The following KIF1A variants were observed in gnomAD, a reference collection of about 807,000 sequenced individuals.
The protein encoded by KIF1A is kinesin-like protein KIF1A.
KIF1A carries 46 observed loss-of-function variants against 227.3 expected under a neutral mutation model. The observed-to-expected ratio is 0.20, with a 90% confidence interval of 0.16 to 0.26. The LOEUF is 0.26. KIF1A is among the 10% of genes least tolerant of loss of function. The pLI is 1.00. For synonymous variants in KIF1A, 1,022 were observed against 1,012.8 expected (o/e 1.01, Z -0.17); for missense variants, 1,683 against 2,485.9 (o/e 0.68, Z 6.87).
intron 38 of KIF1A, among the ~76,000 whole-genome samples, chr2:240,733,012 G>A (rs535544444): frequency 1.6e-5 from 2 of 126,150 alleles, no homozygotes; most frequent in East Asian, 5.5e-4. Flanking sequence ...AGGGATGAGG[G>A]GGAATGAGGG....
Position 240,719,644 on chromosome 2 carries a change from G to A in KIF1A, c.5021+130C>T. ...CAGCCTGCCTGAACCTCCAGTATGG[G>A]CATCAGGCAACCTGTCTGTCTCCCC... On this transcript the variant is annotated intron_variant, in intron 46 of 48. Coordinates refer to ENST00000498729, the MANE Select transcript of KIF1A (RefSeq NM_001244008.2). 2.7e-6 allele frequency: 3 copies of A among 1,097,506 alleles called. No individual in the cohort carries two copies. The South Asian group carries it at 5.1e-5, about 19-fold the overall frequency. 68.0% of individuals were successfully genotyped at this position (1,097,506 alleles called of 1,614,324 possible).
chr2:240,812,943 C>CGCCTTCACCTCGGGGATCA (rs1559550003), intron 1 of KIF1A, among the ~76,000 whole-genome samples: 13 of 42,090 alleles, frequency 3.1e-4, no homozygotes, highest in African/African-American at 3.9e-4. Flanking sequence ...CTCGGGGATC[C>CGCCTTCACCTCGGGGATCA]GCCTTCACCT....
At chr2:240,796,857 T>C (rs2056453711) in intron 2 of KIF1A, among the ~76,000 whole-genome samples, 1 of 151,836 alleles carries the variant, frequency 6.6e-6, no homozygotes, top group Non-Finnish European at 1.5e-5. Context: ...AGACTAAACC[T>C]AGGGAGGAAG....
chr2:240,749,758 C>G (rs925990708), intron 28 of KIF1A, among the ~76,000 whole-genome samples: 7 of 152,236 alleles, frequency 4.6e-5, no homozygotes, highest in Non-Finnish European at 1.0e-4. Context: ...TGGGGCTGCC[C>G]TGGTGCCTCT....
chr2:240,803,689 C>T (rs891514315), intron 1 of KIF1A, among the ~76,000 whole-genome samples: 4 of 151,970 alleles, frequency 2.6e-5, no homozygotes, highest in African/African-American at 9.7e-5. Context: ...AAAACAGGCA[C>T]GAATTAGCAG....
intron 37 of KIF1A, 21 bp from the exon 38 acceptor site, chr2:240,737,189 C>T: frequency 6.2e-7 from 1 of 1,604,810 alleles, no homozygotes; most frequent in Non-Finnish European, 8.5e-7. Flanking sequence ...GGCAACGGGC[C>T]ACAGGTCACT....
intron 25 of KIF1A, among the ~76,000 whole-genome samples, chr2:240,759,246 TG>T (rs2050223097): frequency 6.6e-6 from 1 of 152,026 alleles, no homozygotes; most frequent in African/African-American, 2.4e-5. Context: ...TTGACTTCCT[TG>T]GGGGGCACTG....
intron 38 of KIF1A, among the ~76,000 whole-genome samples, chr2:240,733,333 G>A (rs975692891): frequency 1.3e-5 from 2 of 152,078 alleles, no homozygotes; most frequent in Admixed American, 6.5e-5. Flanking sequence ...TAGCTAGCAC[G>A]ATGCCATCTC....
At chr2:240,779,691 CTTCCTCACTCAG>C (rs1020207593) in intron 10 of KIF1A, among the ~76,000 whole-genome samples, 2 of 150,986 alleles carry the variant, frequency 1.3e-5, no homozygotes, top group African/African-American at 4.9e-5. Context: ...TCCACACTCA[CTTCCTCACTCAG>C]TTCCTCACAG....
intron 20 of KIF1A, 48 bp from the exon 21 acceptor site, chr2:240,763,394 T>C: frequency 6.6e-7 from 1 of 1,507,958 alleles, no homozygotes; most frequent in Non-Finnish European, 8.9e-7. Flanking sequence ...GATCTTCAGG[T>C]CCCTGATGGT....
At chr2:240,787,952 C>T (rs2055156538) in intron 4 of KIF1A, 99 bp downstream of exon 4, 12 of 1,193,612 alleles carry the variant, frequency 1.0e-5, no homozygotes, top group Non-Finnish European at 1.4e-5. Flanking sequence ...TCCCTGCTCT[C>T]TGGGGGCTGC....
rs1371960328 is a variant in KIF1A at position 240,736,206 on chromosome 2, A to G, written c.4007+857T>C. Among the ~76,000 whole-genome samples, 1 of 152,092 alleles carries G rather than the reference A, an allele frequency of 6.6e-6. No individual in the cohort carries two copies. Among genetic ancestry groups the G allele is most frequent in the East Asian group, 1.9e-4 (1 of 5,178 alleles). On this transcript the variant is annotated intron_variant, in intron 38 of 48. Coordinates refer to ENST00000498729, the MANE Select transcript of KIF1A (RefSeq NM_001244008.2). The surrounding 1 kb of genome is among the most constrained non-coding windows in gnomAD (Gnocchi z 4.7). ...TGACCCTCCTTGCAGGGAGGCCCTC[A>G]AAGACGTTTTCCTACAAACACAGCC... is the stretch of plus-strand genomic sequence containing the variant.
At chr2:240,724,864 T>C (rs1226405066) in intron 40 of KIF1A, 1 of 174,074 alleles carries the variant, frequency 5.7e-6, no homozygotes, top group African/African-American at 2.6e-5. Flanking sequence ...AGCTCCTCCT[T>C]CAGTGCCTTG....
At chr2:240,815,098 G>A (rs1575681598) in intron 1 of KIF1A, among the ~76,000 whole-genome samples, 1 of 152,264 alleles carries the variant, frequency 6.6e-6, no homozygotes, top group East Asian at 1.9e-4. Flanking sequence ...AGGCCCCAAG[G>A]ACCTGCACCC....
intron 1 of KIF1A, among the ~76,000 whole-genome samples, chr2:240,800,948 G>T (rs1041531717): frequency 6.6e-6 from 1 of 152,208 alleles, no homozygotes; most frequent in African/African-American, 2.4e-5. Flanking sequence ...TCGGACTTCA[G>T]TCTGGCTGCC....
chr2:240,810,830 C>T (rs988845431), intron 1 of KIF1A, among the ~76,000 whole-genome samples: 4 of 152,166 alleles, frequency 2.6e-5, no homozygotes, highest in African/African-American at 7.2e-5. Flanking sequence ...TCGATGTGCC[C>T]GCCATGGTGA....
intron 10 of KIF1A, among the ~76,000 whole-genome samples, chr2:240,781,470 CACA>C (rs2053988463): frequency 1.6e-5 from 2 of 123,576 alleles, no homozygotes; most frequent in Admixed American, 1.5e-4. Flanking sequence ...GCTCCACACA[CACA>C]CACACACACA....
intron 10 of KIF1A, among the ~76,000 whole-genome samples, chr2:240,776,952 C>T (rs552916997): frequency 3.9e-5 from 6 of 152,352 alleles, no homozygotes; most frequent in East Asian, 1.9e-4. Context: ...GTGTCCATCT[C>T]GCAGCTCAGC....
chr2:240,744,968 C>A (rs899239516), intron 32 of KIF1A, among the ~76,000 whole-genome samples: 1 of 152,178 alleles, frequency 6.6e-6, no homozygotes, highest in African/African-American at 2.4e-5. Flanking sequence ...GCCTTAAAGG[C>A]CCCTCCTCTC....
Sources: gnomAD v4.1 joint callset for allele counts (sites outside exome capture counted in the v4.1 genomes callset) on GRCh38, gnomAD v4.1.1 for gene constraint, Gnocchi (gnomAD v3.1) non-coding constraint, MANE v1.5 for transcripts, NCBI Gene and HGNC (gene_info 2026-07-23, HGNC 2026-07-21) for gene names.